Variants in ZDHHC23 observed in about 807,000 individuals in gnomAD.
ZDHHC23 encodes zDHHC palmitoyltransferase 23, also known as palmitoyltransferase ZDHHC23.
ZDHHC23 carries 41 observed loss-of-function variants against 40.2 expected under a neutral mutation model. The observed-to-expected ratio is 1.02, with a 90% CI of 0.79 to 1.32. The LOEUF (loss-of-function observed/expected upper bound fraction) is 1.32. Ranked by LOEUF, ZDHHC23 falls within the 40% of genes most tolerant of loss-of-function variation. The probability of loss-of-function intolerance (pLI) is 0.00; values close to 1 mark genes in which losing one functional copy is unlikely to be tolerated. For missense variants in ZDHHC23, 471 were observed against 541.5 expected (o/e 0.87, Z 1.29); for synonymous variants, 204 against 210.2 (o/e 0.97, Z 0.26).
the ZDHHC23 span, chr3:113,978,291 A>G: frequency 6.2e-7 from 1 of 1,613,970 alleles, no homozygotes; most frequent in Non-Finnish European, 8.5e-7. Context: ...AAGAAAATGT[A>G]CACAAAATTT....
rs1433077766 is a variant in ZDHHC23, at chr3:113,948,156, CTT to C, written c.-150_-149del. On this transcript the variant is annotated 5_prime_UTR_variant, in exon 1 of 5. Transcript: ENST00000638807. ...AAGCCGACCCATCTCCCCTCCGCCTCTTTGGCTGCAGTTGCACCTCCGGCCAG... is the reference window on the plus strand; with the variant it reads ...AAGCCGACCCATCTCCCCTCCGCCTCTGGCTGCAGTTGCACCTCCGGCCAG... The C allele has an allele frequency of 6.6e-6, 1 of 152,378 alleles. No homozygotes were observed. Among genetic ancestry groups the C allele is most frequent in the African/African-American group, 2.4e-5 (1 of 41,460 alleles). 9.4% of individuals were successfully genotyped at this position (152,378 alleles called of 1,614,324 possible). A position where few individuals can be genotyped will look rare whatever the true frequency, so the allele number is the denominator to read the frequency against.
Position 113,959,746 on chromosome 3 carries a change from C to G in ZDHHC23, c.*1116C>G. ...CTTTGAGGAGTTGAGTGACATCTTC[C>G]CACTTAACTTGCACATTAATTCTCA... On this transcript the variant is annotated 3_prime_UTR_variant, in exon 5 of 5. Coordinates refer to ENST00000638807, the MANE Select transcript of ZDHHC23 (RefSeq NM_001320466.2). 1 of 1,076,028 alleles carries G rather than the reference C, an allele frequency of 9.3e-7. No homozygotes were observed. Among genetic ancestry groups the G allele is most frequent in the Non-Finnish European group, 1.1e-6 (1 of 871,906 alleles). 66.7% of individuals were successfully genotyped at this position (1,076,028 alleles called of 1,614,324 possible). A position where few individuals can be genotyped will look rare whatever the true frequency, so the allele number is the denominator to read the frequency against.
In ZDHHC23 at chr3:113,961,840, T is replaced by G. The variant is rs959210144; in HGVS notation, c.*3210T>G. On this transcript the variant is annotated 3_prime_UTR_variant, in exon 5 of 5. Coordinates refer to ENST00000638807, the MANE Select transcript of ZDHHC23 (RefSeq NM_001320466.2). ...AAGGTTCTACATACCACTGACCATCTGCTTAATAGACATGTATTTCCTTTG... is the reference window on the plus strand; with the variant it reads ...AAGGTTCTACATACCACTGACCATCGGCTTAATAGACATGTATTTCCTTTG... 2 of 152,678 alleles carry G rather than the reference T, an allele frequency of 1.3e-5. No homozygotes were observed. Among genetic ancestry groups the G allele is most frequent in the African/African-American group, 2.4e-5 (1 of 41,474 alleles). The allele number at this position is 152,678 out of a possible 1,614,324, so 9.5% of individuals were successfully genotyped here.
chr3:113,969,253 C>T (rs1313992613), downstream of ZDHHC23, among the ~76,000 whole-genome samples: 1 of 152,222 alleles, frequency 6.6e-6, no homozygotes, highest in Non-Finnish European at 1.5e-5. Flanking sequence ...GGACAAACAT[C>T]CAAACTATAC....
At chr3:113,978,474 G>A in the ZDHHC23 span, 1 of 817,796 alleles carries the variant, frequency 1.2e-6, no homozygotes, top group African/African-American at 1.7e-5. Flanking sequence ...TAACCTGGAA[G>A]CCAAGAAAAT....
the ZDHHC23 span, among the ~76,000 whole-genome samples, chr3:113,974,652 T>C: frequency 1.3e-5 from 2 of 152,252 alleles, no homozygotes; most frequent in Non-Finnish European, 2.9e-5. Context: ...TATATGTCTA[T>C]GCCTTTGCAC....
At chr3:113,970,336 A>T (rs1940671094), downstream of ZDHHC23, among the ~76,000 whole-genome samples, 1 of 151,582 alleles carries the variant, frequency 6.6e-6, no homozygotes, top group African/African-American at 2.4e-5. Flanking sequence ...ATTTGGATAC[A>T]TTTTTTTTAA....
intron 2 of ZDHHC23, among the ~76,000 whole-genome samples, chr3:113,949,770 T>G (rs983737329): frequency 3.3e-5 from 5 of 152,236 alleles, no homozygotes; most frequent in African/African-American, 4.8e-5. Context: ...GCCAATTTGT[T>G]GACTTAGAAC....
chr3:113,956,233 C>T, intron 3 of ZDHHC23, 106 bp from the exon 4 acceptor site: 1 of 1,278,068 alleles, frequency 7.8e-7, no homozygotes, highest in East Asian at 2.3e-5. Flanking sequence ...AACTACAGAG[C>T]AAGACTCCGT....
chr3:113,948,209 T>C lies in ZDHHC23; in HGVS notation c.-118+19T>C, dbSNP rs1236039882. Reference sequence around the variant, plus strand: ...AGGGCAGGTAACTTCCCTTCCAAGGTCATTCTCCTGGCGGGGTGGTGCGCG... The same window carrying C: ...AGGGCAGGTAACTTCCCTTCCAAGGCCATTCTCCTGGCGGGGTGGTGCGCG... On this transcript the variant is annotated intron_variant, in intron 1 of 4. Coordinates refer to ENST00000638807, the MANE Select transcript of ZDHHC23 (RefSeq NM_001320466.2). The C allele has an allele frequency of 6.6e-6, 1 of 152,546 alleles. No individual in the cohort carries two copies. The highest frequency in any genetic ancestry group is 1.5e-5 in the Non-Finnish European group (1 of 68,396). The allele number at this position is 152,546 out of a possible 1,614,324, so 9.4% of individuals were successfully genotyped here. A position where few individuals can be genotyped will look rare whatever the true frequency, so the allele number is the denominator to read the frequency against.
Position 113,954,100 on chromosome 3 carries a change from G to A in ZDHHC23, c.562G>A (p.Ala188Thr), listed in dbSNP as rs763488736. Residue 188 changes from alanine (A) to threonine (T), a missense_variant, in exon 3 of 5, where the codon GCC (alanine) becomes ACC (threonine). Ala to Thr is a moderately conservative substitution (Grantham distance 58). Coordinates refer to ENST00000638807, the MANE Select transcript of ZDHHC23 (RefSeq NM_001320466.2). ...TCTGATACTCTTAGCCTTGCACAGAGCCAAGAAGAATCCAGGCTACCTCAG... is the reference window on the plus strand; with the variant it reads ...TCTGATACTCTTAGCCTTGCACAGAACCAAGAAGAATCCAGGCTACCTCAG... Reference protein sequence around the residue: ...LFLILLALHRAKKNPGYLSNP... With the variant: ...LFLILLALHRTKKNPGYLSNP... 26 of 1,614,072 alleles carry A rather than the reference G, an allele frequency of 1.6e-5. No individual in the cohort carries two copies. The highest frequency in any genetic ancestry group is 2.1e-5 in the Non-Finnish European group (25 of 1,180,050).
chr3:113,974,468 C>T, the ZDHHC23 span, among the ~76,000 whole-genome samples: 1 of 152,044 alleles, frequency 6.6e-6, no homozygotes, highest in Admixed American at 6.6e-5. Flanking sequence ...TACAGATGCA[C>T]ACCACCATGC....
downstream of ZDHHC23, chr3:113,965,346 TC>T: frequency 6.3e-7 from 1 of 1,578,732 alleles, no homozygotes; most frequent in Non-Finnish European, 8.6e-7. Flanking sequence ...CGAAGGGTGA[TC>T]CAGAGGATCC....
downstream of ZDHHC23, among the ~76,000 whole-genome samples, chr3:113,966,390 C>A (rs78881740): frequency 1.3e-5 from 2 of 152,228 alleles, no homozygotes; most frequent in South Asian, 4.1e-4. Context: ...GTACCGTCTG[C>A]CCCGGGAGAG....
At chr3:113,958,029 A>AC (rs1268700741) in intron 4 of ZDHHC23, among the ~76,000 whole-genome samples, 2 of 152,110 alleles carry the variant, frequency 1.3e-5, no homozygotes, top group Non-Finnish European at 2.9e-5. Flanking sequence ...GTTAGATGTA[A>AC]TTTACGAATT....
At position 113,953,700 on chromosome 3, in the gene ZDHHC23, A is replaced by C. The variant is rs1230732652; in HGVS notation, c.162A>C (p.Arg54=). The C allele has an allele frequency of 4.4e-6, 7 of 1,609,126 alleles. No individual in the cohort carries two copies. Among genetic ancestry groups the C allele is most frequent in the Non-Finnish European group, 8.5e-7 (1 of 1,177,156 alleles). ...DCQDLDEGCD[R]WITCKSLQPE... ...TCCTCTTTGTGCTTTTTCTGAATAG[A>C]TGGATTACATGTAAATCTTTACAGC... Residue 54 remains arginine, a splice_region_variant and synonymous_variant, in exon 3 of 5, where the codon CGA becomes CGC. Transcript: ENST00000638807.
In ZDHHC23 at chr3:113,958,525, C is replaced by G. The variant is rs549605526; in HGVS notation, c.1203C>G (p.Leu401=). ...QKTGRRLLCG[L]IVDTGQYNRG... ...CTGGGCGCCGGCTCCTCTGCGGGCT[C>G]ATCGTGGACACAGGCCAGTACAATA... Residue 401 remains leucine, a synonymous_variant, in exon 5 of 5, where the codon CTC becomes CTG. Coordinates refer to ENST00000638807, the MANE Select transcript of ZDHHC23 (RefSeq NM_001320466.2). 1 of 1,613,606 alleles carries G rather than the reference C, an allele frequency of 6.2e-7. No individual in the cohort carries two copies. The highest frequency in any genetic ancestry group is 1.3e-5 in the African/African-American group (1 of 75,034).
chr3:113,979,158 C>T, the ZDHHC23 span: 5 of 739,884 alleles, frequency 6.8e-6, no homozygotes, highest in Non-Finnish European at 1.1e-5. Flanking sequence ...GTCCTAAAAG[C>T]TTTGACTGTT....
chr3:113,968,928 C>G, downstream of ZDHHC23, among the ~76,000 whole-genome samples: 1 of 150,864 alleles, frequency 6.6e-6, no homozygotes, highest in Admixed American at 6.6e-5. Context: ...TGCAGTTTTG[C>G]CAGCTGTACA....
Sources: allele counts gnomAD v4.1 joint callset (sites outside exome capture counted in the v4.1 genomes callset), GRCh38; gene constraint gnomAD v4.1.1; transcripts MANE v1.5; gene names NCBI Gene and HGNC (gene_info 2026-07-23, HGNC 2026-07-21).